RBPJ: variants seen among roughly 807,000 people sequenced by gnomAD.
RBPJ encodes the protein recombining binding protein suppressor of hairless.
In RBPJ, 9 loss-of-function variants were observed where a neutral mutation model predicts 67.8. The observed-to-expected ratio is 0.13, with a 90% CI of 0.08 to 0.23. The LOEUF (loss-of-function observed/expected upper bound fraction) is 0.23, where lower values mean the gene tolerates loss of function less well. RBPJ is among the 10% of genes least tolerant of loss of function. RBPJ has a pLI of 1.00. For synonymous variants in RBPJ, 198 were observed against 203.3 expected, an observed-to-expected ratio of 0.97 and a Z score of 0.22; for missense variants, 305 against 595.6, an observed-to-expected ratio of 0.51 and a Z score of 5.08.
the RBPJ span, among the ~76,000 whole-genome samples, chr4:26,133,128 A>G: frequency 2.6e-5 from 4 of 152,146 alleles, no homozygotes; most frequent in African/African-American, 9.7e-5. Context: ...TGGCCAAACC[A>G]TTTCCTTGCA....
chr4:26,209,088 G>GAA (rs751158581), intron 1 of RBPJ, among the ~76,000 whole-genome samples: 2,092 of 80,956 alleles, frequency 0.026, 32 homozygotes, highest in African/African-American at 0.07. Context: ...CAGCATTACA[G>GAA]AAGAAAAAAA....
At chr4:26,214,473 AAG>A (rs1324457785) in intron 1 of RBPJ, among the ~76,000 whole-genome samples, 1 of 120,924 alleles carries the variant, frequency 8.3e-6, no homozygotes, top group African/African-American at 3.0e-5. Flanking sequence ...AAAGAGAAGA[AAG>A]AGAAACAAGG....
intron 1 of RBPJ, among the ~76,000 whole-genome samples, chr4:26,323,591 T>A (rs1349605428): frequency 6.6e-6 from 1 of 152,158 alleles, no homozygotes; most frequent in East Asian, 1.9e-4. Flanking sequence ...GTGAGTATAT[T>A]TTCAGAAAAC....
chr4:26,147,096 A>G, the RBPJ span, among the ~76,000 whole-genome samples: 2 of 152,254 alleles, frequency 1.3e-5, no homozygotes, highest in African/African-American at 4.8e-5. Context: ...TGTGCCCTCA[A>G]GCGTGATTGA....
chr4:26,266,714 G>A (rs568085889), intron 1 of RBPJ, among the ~76,000 whole-genome samples: 13 of 152,070 alleles, frequency 8.5e-5, no homozygotes, highest in Admixed American at 2.6e-4. Flanking sequence ...ATGTTAAGGC[G>A]CCATATTTGG....
chr4:26,327,343 G>A lies in RBPJ; in HGVS notation c.20+6295G>A, dbSNP rs915078583. Among the ~76,000 whole-genome samples the A allele has an allele frequency of 1.1e-4, 16 of 152,104 alleles. 1 individual carries two copies. Among genetic ancestry groups the A allele is most frequent in the African/African-American group, 3.9e-4 (16 of 41,396 alleles). On this transcript the variant is annotated intron_variant, in intron 1 of 10. Transcript: ENST00000355476. ...TGTTGTGTTGAGACAATGCATAATGGTAAGTTTGAGAGCTTTTCAGTCATA... is the reference window on the plus strand; with the variant it reads ...TGTTGTGTTGAGACAATGCATAATGATAAGTTTGAGAGCTTTTCAGTCATA...
intron 1 of RBPJ, among the ~76,000 whole-genome samples, chr4:26,332,422 A>G (rs2667060): frequency 0.22 from 33,458 of 152,124 alleles, 3,741 homozygotes; most frequent in South Asian, 0.37. Context: ...TTAAATACAA[A>G]TAAATCAGCT....
the RBPJ span, among the ~76,000 whole-genome samples, chr4:26,149,548 G>A: frequency 6.6e-6 from 1 of 152,170 alleles, no homozygotes; most frequent in South Asian, 2.1e-4. Flanking sequence ...CTTAAGAGGT[G>A]ATTAGGTCAC....
At chr4:26,320,709 A>T (rs777288632), upstream of RBPJ, 9 of 1,541,428 alleles carry the variant, frequency 5.8e-6, no homozygotes, top group South Asian at 9.7e-5. Context: ...GTCTCCACGT[A>T]CGTCCCTCAA....
chr4:26,224,272 C>G (rs1719011753), intron 1 of RBPJ, among the ~76,000 whole-genome samples: 1 of 152,122 alleles, frequency 6.6e-6, no homozygotes, highest in African/African-American at 2.4e-5. Context: ...CTCTGTCACC[C>G]AGGCTGGAGT....
At chr4:26,314,225 T>C (rs978234561) in intron 1 of RBPJ, among the ~76,000 whole-genome samples, 1 of 152,190 alleles carries the variant, frequency 6.6e-6, no homozygotes, top group African/African-American at 2.4e-5. Context: ...TTAATAAATA[T>C]ACTCTTTCAT....
chr4:26,320,150 C>T (rs1245628417), upstream of RBPJ, among the ~76,000 whole-genome samples: 3 of 152,208 alleles, frequency 2.0e-5, no homozygotes, highest in Admixed American at 6.5e-5. Flanking sequence ...GAGCTTTGAT[C>T]GGGTCCTCTG....
intron 1 of RBPJ, among the ~76,000 whole-genome samples, chr4:26,266,531 TATAAG>T (rs1457161265): frequency 6.6e-6 from 1 of 152,188 alleles, no homozygotes; most frequent in Non-Finnish European, 1.5e-5. Context: ...CCTTTTGTCT[TATAAG>T]ATAAGGATGT....
At chr4:26,235,605 C>G (rs1262891001) in intron 1 of RBPJ, among the ~76,000 whole-genome samples, 4 of 152,160 alleles carry the variant, frequency 2.6e-5, no homozygotes, top group Non-Finnish European at 5.9e-5. Context: ...AAGAAAGTTC[C>G]CTCCCAATTG....
intron 4 of RBPJ, among the ~76,000 whole-genome samples, chr4:26,416,680 A>G (rs1194322293): frequency 1.3e-5 from 2 of 152,194 alleles, no homozygotes; most frequent in African/African-American, 2.4e-5. Flanking sequence ...CAGCTGTTTC[A>G]TTATTTGATA....
intron 1 of RBPJ, among the ~76,000 whole-genome samples, chr4:26,363,418 G>A (rs140265360): frequency 0.017 from 2,660 of 152,078 alleles, 42 homozygotes; most frequent in Admixed American, 0.027. Flanking sequence ...GACTACAGGC[G>A]TGAGCCACTG....
In RBPJ at chr4:26,264,049, G is replaced by T. The variant is rs1560235101; in HGVS notation, c.-166-98397G>T. On this transcript the variant is annotated intron_variant, in intron 1 of 4. Transcript: ENST00000512351. The surrounding 1 kb of genome is among the most constrained non-coding windows in gnomAD (Gnocchi z 4.1). ...GCCACCACGTCCTGCTAATCTTTGT[G>T]TTTTTTTAGTAGAGACGGGGTTTCA... is the stretch of plus-strand genomic sequence containing the variant. Among the ~76,000 whole-genome samples, 1 of 151,774 alleles carries T rather than the reference G, an allele frequency of 6.6e-6. No individual in the cohort carries two copies. The highest frequency in any genetic ancestry group is 2.4e-5 in the African/African-American group (1 of 41,274).
the RBPJ span, among the ~76,000 whole-genome samples, chr4:26,139,618 G>A: frequency 6.6e-6 from 1 of 152,208 alleles, no homozygotes; most frequent in Non-Finnish European, 1.5e-5. Context: ...TTCTGGGCAA[G>A]GCAGAGCCTG....
At chr4:26,148,665 C>CA in the RBPJ span, among the ~76,000 whole-genome samples, 6 of 152,162 alleles carry the variant, frequency 3.9e-5, no homozygotes, top group African/African-American at 1.4e-4. Context: ...CCAGAAATAG[C>CA]AAAAAAGCAG....
Sources: gnomAD v4.1 joint callset for allele counts (sites outside exome capture counted in the v4.1 genomes callset) on GRCh38, gnomAD v4.1.1 for gene constraint, Gnocchi (gnomAD v3.1) non-coding constraint, MANE v1.5 for transcripts, NCBI Gene and HGNC (gene_info 2026-07-23, HGNC 2026-07-21) for gene names.